The following TC2N variants were observed in gnomAD, a reference collection of about 807,000 sequenced individuals.
TC2N encodes the protein tandem C2 domains, nuclear.
In TC2N, 51 loss-of-function variants were observed where a neutral mutation model predicts 61.9. The ratio of observed to expected loss-of-function variants is 0.82; its 90% confidence interval spans 0.66 to 1.04. The LOEUF (loss-of-function observed/expected upper bound fraction) is 1.04. Ranked by LOEUF, TC2N falls within the 50% of genes least tolerant of loss-of-function variation. TC2N has a pLI of 0.00. For synonymous variants in TC2N, 204 were observed against 192.6 expected, an observed-to-expected ratio of 1.06 and a Z score of -0.49; for missense variants, 556 against 566.7, an observed-to-expected ratio of 0.98 and a Z score of 0.19.
intron 10 of TC2N, among the ~76,000 whole-genome samples, chr14:91,786,965 C>T (rs990046238): frequency 6.6e-6 from 1 of 152,034 alleles, no homozygotes; most frequent in Non-Finnish European, 1.5e-5. Flanking sequence ...TTTCTAGTTA[C>T]GGTGAACATG....
intron 3 of TC2N, among the ~76,000 whole-genome samples, chr14:91,811,014 C>T (rs1396839895): frequency 6.6e-6 from 1 of 151,910 alleles, no homozygotes; most frequent in Admixed American, 6.6e-5. Context: ...TTGGATTACA[C>T]TGACATATAC....
In TC2N at chr14:91,812,235, AT is replaced by A. The variant is rs1427745534; in HGVS notation, c.301+76del. The A allele has an allele frequency of 2.1e-5, 15 of 731,392 alleles. No individual in the cohort carries two copies. The South Asian group carries it at 2.3e-4, about 11-fold the overall frequency. 45.3% of individuals were successfully genotyped at this position (731,392 alleles called of 1,614,324 possible). ...TAAAAAAATTTTATATGAATTTTGTATTAAAAATATAAAAGTAAAATAATAG... is the reference window on the plus strand; with the variant it reads ...TAAAAAAATTTTATATGAATTTTGTATAAAAATATAAAAGTAAAATAATAG... On this transcript the variant is annotated intron_variant, in intron 3 of 11. Transcript: ENST00000435962.
chr14:91,846,757 TAAATTACTGGTAAC>T (rs1230484401), intron 1 of TC2N, among the ~76,000 whole-genome samples: 1 of 152,234 alleles, frequency 6.6e-6, no homozygotes, highest in Non-Finnish European at 1.5e-5. Flanking sequence ...ACCTTTGTAT[TAAATTACTGGTAAC>T]AAATTACTGG....
intron 1 of TC2N, among the ~76,000 whole-genome samples, chr14:91,827,128 C>G (rs1013246724): frequency 1.3e-5 from 2 of 152,022 alleles, no homozygotes; most frequent in Non-Finnish European, 2.9e-5. Flanking sequence ...TCTATTTGTC[C>G]TACTTGTTCT....
chr14:91,838,146 CTTT>C (rs11406325), intron 1 of TC2N, among the ~76,000 whole-genome samples: 5 of 131,826 alleles, frequency 3.8e-5, no homozygotes, highest in East Asian at 2.1e-4. Context: ...TCATTTGTTC[CTTT>C]TTTTTTTTTT....
Position 91,812,353 on chromosome 14 carries a change from G to A in TC2N, c.260C>T (p.Pro87Leu), listed in dbSNP as rs550260692. Residue 87 changes from proline to leucine, a missense_variant, in exon 3 of 12, where the codon CCC (proline) becomes CTC (leucine). Coordinates refer to ENST00000435962, the MANE Select transcript of TC2N (RefSeq NM_001128596.3). ...ATGTGAAGGAGTTTCTTGTGTCCTG[G>A]GTTGAATGTAAGATAACTTAAACTT... ...VPKFKLSYIQ[P>L]RTQETPSHLE... 2.5e-6 allele frequency: 4 copies of A among 1,611,992 alleles called. No individual in the cohort carries two copies. In the Admixed American group the frequency reaches 6.7e-5, roughly 27 times the overall value.
At chr14:91,828,686 T>C (rs1049811721) in intron 1 of TC2N, among the ~76,000 whole-genome samples, 4 of 152,068 alleles carry the variant, frequency 2.6e-5, no homozygotes, top group South Asian at 2.1e-4. Context: ...TCTTACCCAA[T>C]AGAGTTTATC....
intron 8 of TC2N, among the ~76,000 whole-genome samples, chr14:91,793,946 T>A (rs1885781763): frequency 1.3e-5 from 2 of 152,110 alleles, no homozygotes. Flanking sequence ...TACCACTTAG[T>A]CAAGTTGTGA....
At chr14:91,804,881 A>G (rs561095877) in intron 3 of TC2N, among the ~76,000 whole-genome samples, 2 of 152,280 alleles carry the variant, frequency 1.3e-5, no homozygotes, top group African/African-American at 4.8e-5. Context: ...CTGTACCTAC[A>G]TGGGTATTCT....
chr14:91,804,108 G>A (rs1397040410), intron 3 of TC2N, among the ~76,000 whole-genome samples: 1 of 152,156 alleles, frequency 6.6e-6, no homozygotes, highest in African/African-American at 2.4e-5. Context: ...CATTAGTCAT[G>A]AGGAAAAAAT....
chr14:91,822,114 A>G (rs966341982), intron 1 of TC2N, among the ~76,000 whole-genome samples: 1 of 152,188 alleles, frequency 6.6e-6, no homozygotes, highest in African/African-American at 2.4e-5. Flanking sequence ...TTGAACATAT[A>G]CCTGCTACAT....
chr14:91,800,053 T>C (rs1042315320), intron 5 of TC2N, among the ~76,000 whole-genome samples: 5 of 152,096 alleles, frequency 3.3e-5, no homozygotes, highest in African/African-American at 1.2e-4. Flanking sequence ...GCATACCAAC[T>C]GAGATATAAA....
intron 11 of TC2N, 140 bp from the exon 12 acceptor site, chr14:91,783,350 A>G (rs1011958180): frequency 3.1e-5 from 17 of 546,958 alleles, no homozygotes; most frequent in African/African-American, 5.9e-5. Context: ...CTTTTTTCCA[A>G]AAGTCAGATT....
intron 1 of TC2N, among the ~76,000 whole-genome samples, chr14:91,845,878 G>T (rs1056338376): frequency 3.3e-5 from 5 of 152,212 alleles, no homozygotes; most frequent in Admixed American, 1.3e-4. Context: ...GGGCTCAGGA[G>T]CCACCACCTT....
chr14:91,827,825 T>C (rs1297666346), intron 1 of TC2N, among the ~76,000 whole-genome samples: 1 of 152,240 alleles, frequency 6.6e-6, no homozygotes, highest in Admixed American at 6.5e-5. Context: ...TTAGTCCTTT[T>C]ATATTCTCCT....
intron 8 of TC2N, among the ~76,000 whole-genome samples, chr14:91,794,278 A>C (rs1885796007): frequency 6.6e-6 from 1 of 152,218 alleles, no homozygotes; most frequent in Non-Finnish European, 1.5e-5. Flanking sequence ...GCTAATGTAG[A>C]AGTTGCAGCA....
chr14:91,794,004 AAT>A (rs1174293318), intron 8 of TC2N, among the ~76,000 whole-genome samples: 1 of 152,230 alleles, frequency 6.6e-6, no homozygotes, highest in Non-Finnish European at 1.5e-5. Context: ...TACTCCAGTG[AAT>A]ATACAAATAA....
At chr14:91,844,191 C>A (rs540223508) in intron 1 of TC2N, among the ~76,000 whole-genome samples, 2 of 152,276 alleles carry the variant, frequency 1.3e-5, no homozygotes, top group East Asian at 3.9e-4. Flanking sequence ...GAGAGGCATA[C>A]CCTTCCATTC....
chr14:91,781,786 G>A lies in TC2N; in HGVS notation c.*1314C>T, dbSNP rs370469475. 1 of 152,098 alleles carries A rather than the reference G, an allele frequency of 6.6e-6. No individual in the cohort carries two copies. The highest frequency in any genetic ancestry group is 1.5e-5 in the Non-Finnish European group (1 of 67,962). The allele number at this position is 152,098 out of a possible 1,614,324, so 9.4% of individuals were successfully genotyped here. On this transcript the variant is annotated 3_prime_UTR_variant, in exon 12 of 12. Coordinates refer to ENST00000435962, the MANE Select transcript of TC2N (RefSeq NM_001128596.3). Reference sequence around the variant, plus strand: ...ATAAGATGTGGACATTTTGTAGCTTGAGGAGATGGCACCTAGGGAAAAGAG... The same window carrying A: ...ATAAGATGTGGACATTTTGTAGCTTAAGGAGATGGCACCTAGGGAAAAGAG...
Sources: gnomAD v4.1 joint callset for allele counts (sites outside exome capture counted in the v4.1 genomes callset) on GRCh38, gnomAD v4.1.1 for gene constraint, MANE v1.5 for transcripts, NCBI Gene and HGNC (gene_info 2026-07-23, HGNC 2026-07-21) for gene names.